The following SLC20A2 variants were observed in gnomAD, a reference collection of about 807,000 sequenced individuals.
SLC20A2 encodes sodium-dependent phosphate transporter 2.
In SLC20A2, 30 loss-of-function variants were observed where a neutral mutation model predicts 61.0. That is an observed-to-expected ratio of 0.49 (90% CI 0.37 to 0.67). SLC20A2 has a LOEUF of 0.67. Among genes scored for constraint, SLC20A2 ranks in the 30% least tolerant of loss-of-function variants. The pLI is 0.00. For synonymous variants in SLC20A2, 351 were observed against 353.3 expected, an observed-to-expected ratio of 0.99 and a Z score of 0.07; for missense variants, 626 against 866.4, an observed-to-expected ratio of 0.72 and a Z score of 3.48.
At chr8:42,527,661 G>A (rs1383780357) in intron 1 of SLC20A2, among the ~76,000 whole-genome samples, 8 of 151,924 alleles carry the variant, frequency 5.3e-5, no homozygotes, top group East Asian at 1.9e-4. Context: ...CCAGCTACTC[G>A]GGAGGCTGAA....
At chr8:42,459,740 C>T (rs1017541150) in intron 5 of SLC20A2, among the ~76,000 whole-genome samples, 156 bp downstream of exon 5, 11 of 152,068 alleles carry the variant, frequency 7.2e-5, no homozygotes, top group South Asian at 2.1e-4. Context: ...CCATGAGTAA[C>T]GCATTTTACT....
chr8:42,540,601 T>A (rs1447701657), intron 1 of SLC20A2, among the ~76,000 whole-genome samples: 1 of 152,018 alleles, frequency 6.6e-6, no homozygotes, highest in Admixed American at 6.6e-5. Context: ...CGAAGGTGAG[T>A]TTAATTGTAA....
chr8:42,434,397 A>T (rs1804087174), intron 8 of SLC20A2, among the ~76,000 whole-genome samples: 1 of 149,106 alleles, frequency 6.7e-6, no homozygotes, highest in African/African-American at 2.5e-5. Context: ...TATTAAATGG[A>T]TTATTTTTTT....
intron 1 of SLC20A2, among the ~76,000 whole-genome samples, chr8:42,499,124 G>A (rs1399176769): frequency 1.3e-5 from 2 of 152,154 alleles, no homozygotes; most frequent in African/African-American, 2.4e-5. Flanking sequence ...GGAGACGTGC[G>A]GTCACCTGCG....
chr8:42,452,729 G>C (rs1022530830), intron 5 of SLC20A2, among the ~76,000 whole-genome samples: 1 of 152,044 alleles, frequency 6.6e-6, no homozygotes, highest in East Asian at 1.9e-4. Context: ...GGAGGAGGAG[G>C]GGGAGGAGGC....
At chr8:42,527,383 A>G (rs931514941) in intron 1 of SLC20A2, among the ~76,000 whole-genome samples, 2 of 16,688 alleles carry the variant, frequency 1.2e-4, no homozygotes, top group African/African-American at 1.6e-3. Flanking sequence ...AAATTAAGGA[A>G]AAAAAAAAAA....
At chr8:42,464,194 A>G (rs568005021) in intron 3 of SLC20A2, among the ~76,000 whole-genome samples, 2 of 139,068 alleles carry the variant, frequency 1.4e-5, no homozygotes, top group South Asian at 4.6e-4. Flanking sequence ...TGCAGCCTCA[A>G]CCTCTGAGGT....
At chr8:42,531,590 T>A (rs1812323111) in intron 1 of SLC20A2, among the ~76,000 whole-genome samples, 1 of 152,116 alleles carries the variant, frequency 6.6e-6, no homozygotes, top group Non-Finnish European at 1.5e-5. Flanking sequence ...AACAGCATAA[T>A]ACAAAGTTTT....
chr8:42,445,627 T>G (rs1805150895), intron 5 of SLC20A2, among the ~76,000 whole-genome samples: 1 of 152,176 alleles, frequency 6.6e-6, no homozygotes, highest in South Asian at 2.1e-4. Context: ...CTCAGGAGGC[T>G]GAGGCAGGAG....
chr8:42,448,245 G>A (rs1217326851), intron 5 of SLC20A2, among the ~76,000 whole-genome samples: 1 of 152,190 alleles, frequency 6.6e-6, no homozygotes, highest in Non-Finnish European at 1.5e-5. Flanking sequence ...TGCTACTTTC[G>A]GCTTAGCGCT....
At chr8:42,448,037 C>T (rs925325035) in intron 5 of SLC20A2, among the ~76,000 whole-genome samples, 1 of 152,240 alleles carries the variant, frequency 6.6e-6, no homozygotes, top group Non-Finnish European at 1.5e-5. Flanking sequence ...TGCTGTCCAC[C>T]TTCATGTAGG....
chr8:42,524,371 C>T (rs929302410), intron 1 of SLC20A2, among the ~76,000 whole-genome samples: 6 of 152,000 alleles, frequency 3.9e-5, no homozygotes, highest in Non-Finnish European at 5.9e-5. Flanking sequence ...AGTTTTAACA[C>T]GATTGGCCAC....
intron 1 of SLC20A2, among the ~76,000 whole-genome samples, chr8:42,494,700 G>T (rs1402457490): frequency 1.3e-5 from 2 of 152,146 alleles, no homozygotes; most frequent in Non-Finnish European, 2.9e-5. Flanking sequence ...TTATTAGGTT[G>T]TTTCTGGGGA....
chr8:42,457,780 C>A (rs1248642576), intron 5 of SLC20A2, among the ~76,000 whole-genome samples: 1 of 152,110 alleles, frequency 6.6e-6, no homozygotes, highest in Non-Finnish European at 1.5e-5. Flanking sequence ...CCACTGCGCC[C>A]GGCTGAGTAT....
At chr8:42,459,090 G>C (rs2131152488) in intron 5 of SLC20A2, among the ~76,000 whole-genome samples, 1 of 150,882 alleles carries the variant, frequency 6.6e-6, no homozygotes, top group South Asian at 2.1e-4. Flanking sequence ...GGCCAACATA[G>C]TGAAAACCTG....
chr8:42,486,105 TTAAC>T (rs1287331324), intron 1 of SLC20A2, among the ~76,000 whole-genome samples: 1 of 151,714 alleles, frequency 6.6e-6, no homozygotes, highest in Non-Finnish European at 1.5e-5. Flanking sequence ...TCTTTTATCA[TTAAC>T]TACTTAATTA....
intron 1 of SLC20A2, among the ~76,000 whole-genome samples, chr8:42,474,853 G>A (rs751019986): frequency 5.3e-5 from 8 of 151,416 alleles, no homozygotes; most frequent in African/African-American, 4.9e-5. Flanking sequence ...GAGCACAGCC[G>A]GCGGGACATG....
intron 1 of SLC20A2, among the ~76,000 whole-genome samples, chr8:42,532,747 A>G (rs1444491871): frequency 1.3e-5 from 2 of 152,222 alleles, no homozygotes; most frequent in African/African-American, 2.4e-5. Flanking sequence ...AGAGCTAGAT[A>G]AGACACACGG....
intron 8 of SLC20A2, among the ~76,000 whole-genome samples, chr8:42,435,792 G>A (rs980333954): frequency 3.9e-5 from 6 of 152,154 alleles, no homozygotes; most frequent in African/African-American, 1.4e-4. Flanking sequence ...CCCACGAGTG[G>A]GACGGAGCCT....
Sources: allele counts gnomAD v4.1 joint callset (sites outside exome capture counted in the v4.1 genomes callset), GRCh38; gene constraint gnomAD v4.1.1; transcripts MANE v1.5; gene names NCBI Gene and HGNC (gene_info 2026-07-23, HGNC 2026-07-21).